The following NCOA1 variants were observed in gnomAD, a reference collection of about 807,000 sequenced individuals.
NCOA1 encodes the protein Hin-2 protein.
A neutral mutation model predicts 150.9 loss-of-function variants in NCOA1; 35 were observed. The observed-to-expected ratio is 0.23, with a 90% CI of 0.18 to 0.31. The LOEUF (loss-of-function observed/expected upper bound fraction) is 0.31, where lower values mean the gene tolerates loss of function less well. NCOA1 is among the 10% of genes least tolerant of loss of function. The probability of loss-of-function intolerance (pLI) is 1.00; values close to 1 mark genes in which losing one functional copy is unlikely to be tolerated. For synonymous variants in NCOA1, 590 were observed against 630.0 expected (o/e 0.94, Z 0.95); for missense variants, 1,491 against 1,749.3 (o/e 0.85, Z 2.63).
At chr2:24,521,836 C>G (rs533349644) in intron 1 of NCOA1, among the ~76,000 whole-genome samples, 39 of 152,212 alleles carry the variant, frequency 2.6e-4, no homozygotes, top group African/African-American at 7.9e-4. Flanking sequence ...TACCAATTTA[C>G]ATTCTCACCA....
rs190609977 is a variant in NCOA1 at position 24,731,019 on chromosome 2, C to A, written c.3201+1204C>A. Among the ~76,000 whole-genome samples the A allele has an allele frequency of 1.5e-3, 200 of 136,554 alleles. 1 individual carries two copies. The highest frequency in any genetic ancestry group is 3.7e-3 in the Admixed American group (46 of 12,482). The allele number at this position is 136,554 out of a possible 152,430, so 89.6% of individuals were successfully genotyped here. A position where few individuals can be genotyped will look rare whatever the true frequency, so the allele number is the denominator to read the frequency against. On this transcript the variant is annotated intron_variant, in intron 17 of 22. Coordinates refer to ENST00000348332, the MANE Select transcript of NCOA1 (RefSeq NM_003743.5). Reference sequence around the variant, plus strand: ...TGCCATTACACTCCAGCCTGGGTGACAGAGCAAGACTCTGTCTCAAAAAAA... The same window carrying A: ...TGCCATTACACTCCAGCCTGGGTGAAAGAGCAAGACTCTGTCTCAAAAAAA...
rs189560694 is a variant in NCOA1 at position 24,715,274 on chromosome 2, C to A, written c.2599+4163C>A. 4.1e-3 allele frequency among the ~76,000 whole-genome samples: 630 copies of A among 152,080 alleles called. 3 individuals are homozygous for A. The highest frequency in any genetic ancestry group is 0.01 in the Middle Eastern group (3 of 294). ...ATTCTTTTTTCTCATTTGTTAGTTTCTTTAAATGAAAAATAACTGTTTAAA... is the reference window on the plus strand; with the variant it reads ...ATTCTTTTTTCTCATTTGTTAGTTTATTTAAATGAAAAATAACTGTTTAAA... On this transcript the variant is annotated intron_variant, in intron 14 of 22. Transcript: ENST00000348332.
chr2:24,673,421 A>G lies in NCOA1; in HGVS notation c.312A>G (p.Gln104=), dbSNP rs1224270033. The G allele has an allele frequency of 1.9e-6, 3 of 1,595,198 alleles. No individual in the cohort carries two copies. In the African/African-American group the frequency reaches 4.1e-5, roughly 22 times the overall value. Residue 104 remains glutamine (Q), a synonymous_variant, in exon 7 of 23, where the codon CAA becomes CAG. Transcript: ENST00000348332. The part of the protein sequence containing the change: ...VQKSDISSSS[Q]GVIEKESLGP... ...AATCAGACATCTCATCAAGTAGTCA[A>G]GGAGTGATAGAAAAGGAATCCTTGG...
chr2:24,580,799 C>T (rs771085175), intron 2 of NCOA1, among the ~76,000 whole-genome samples: 2 of 152,146 alleles, frequency 1.3e-5, no homozygotes, highest in Non-Finnish European at 2.9e-5. Context: ...CTGTGGATTG[C>T]CTTTTTTCAT....
intron 1 of NCOA1, among the ~76,000 whole-genome samples, chr2:24,513,866 T>C (rs1331216007): frequency 6.6e-6 from 1 of 152,162 alleles, no homozygotes; most frequent in Non-Finnish European, 1.5e-5. Context: ...TAGGAGGACT[T>C]GGTATGTGTA....
At chr2:24,659,127 T>G (rs961547802) in intron 5 of NCOA1, 3 of 189,754 alleles carry the variant, frequency 1.6e-5, no homozygotes, top group Non-Finnish European at 3.3e-5. Context: ...CTAGTGTGAT[T>G]ATTTCATGAA....
chr2:24,665,244 C>T (rs1671363805), intron 5 of NCOA1, among the ~76,000 whole-genome samples: 1 of 151,970 alleles, frequency 6.6e-6, no homozygotes, highest in South Asian at 2.1e-4. Flanking sequence ...TGAATGGATA[C>T]TTTTTTGATG....
intron 1 of NCOA1, among the ~76,000 whole-genome samples, chr2:24,540,866 A>G (rs536394207): frequency 4.1e-4 from 63 of 152,300 alleles, no homozygotes; most frequent in African/African-American, 1.3e-3. Context: ...TTAAGAAGAC[A>G]TATGTGTGGG....
At chr2:24,673,488 A>AT in intron 7 of NCOA1, 25 bp downstream of exon 7, 1 of 1,499,096 alleles carries the variant, frequency 6.7e-7, no homozygotes, top group Non-Finnish European at 9.1e-7. Context: ...TGACTCAGAA[A>AT]GTGATTAAAA....
chr2:24,621,520 G>T (rs948234926), intron 3 of NCOA1, among the ~76,000 whole-genome samples: 1 of 134,764 alleles, frequency 7.4e-6, no homozygotes, highest in African/African-American at 2.8e-5. Flanking sequence ...AGGCTGGAGT[G>T]CAATGGTGCG....
intron 3 of NCOA1, among the ~76,000 whole-genome samples, chr2:24,596,599 G>A (rs562690138): frequency 6.6e-6 from 1 of 151,980 alleles, no homozygotes; most frequent in Admixed American, 6.6e-5. Context: ...TAATTTAGAG[G>A]TTATGTTTCA....
At chr2:24,636,647 C>T (rs1257078494) in intron 3 of NCOA1, among the ~76,000 whole-genome samples, 2 of 152,064 alleles carry the variant, frequency 1.3e-5, no homozygotes, top group Non-Finnish European at 1.5e-5. Flanking sequence ...ATATTCAATA[C>T]AATGATGAAT....
At chr2:24,581,246 A>G (rs999868757) in intron 2 of NCOA1, among the ~76,000 whole-genome samples, 1 of 152,208 alleles carries the variant, frequency 6.6e-6, no homozygotes. Flanking sequence ...CCTTGTTACT[A>G]CTAGGTGAAG....
At chr2:24,515,352 C>G (rs1242539150) in intron 1 of NCOA1, among the ~76,000 whole-genome samples, 2 of 152,078 alleles carry the variant, frequency 1.3e-5, no homozygotes, top group Non-Finnish European at 2.9e-5. Flanking sequence ...CCCATCTCAG[C>G]CTCCCAAGTA....
At chr2:24,556,162 C>G (rs898767276) in intron 1 of NCOA1, 4 of 152,380 alleles carry the variant, frequency 2.6e-5, no homozygotes, top group South Asian at 2.1e-4. Context: ...CCCCCGCCCC[C>G]CTGACAGGCT....
At chr2:24,541,919 A>C (rs1415166165) in intron 1 of NCOA1, among the ~76,000 whole-genome samples, 2 of 152,222 alleles carry the variant, frequency 1.3e-5, no homozygotes. Flanking sequence ...AGTGAGATTT[A>C]AGAGGGGATT....
chr2:24,543,068 G>A (rs1665465629), intron 1 of NCOA1, among the ~76,000 whole-genome samples: 1 of 152,170 alleles, frequency 6.6e-6, no homozygotes, highest in African/African-American at 2.4e-5. Flanking sequence ...GAATATACCT[G>A]AGACTGGTAA....
intron 3 of NCOA1, among the ~76,000 whole-genome samples, chr2:24,601,612 C>CTTTTTTTTTTT (rs112063269): frequency 1.5e-5 from 2 of 131,984 alleles, no homozygotes; most frequent in Non-Finnish European, 1.6e-5. Context: ...CTCCTTCCTC[C>CTTTTTTTTTTT]TTTTTTTTTT....
chr2:24,510,667 G>A (rs1157864263), intron 1 of NCOA1, among the ~76,000 whole-genome samples: 2 of 151,714 alleles, frequency 1.3e-5, no homozygotes, highest in East Asian at 1.9e-4. Flanking sequence ...CTATATTTTC[G>A]GTAAACTTTG....
Sources: allele counts gnomAD v4.1 joint callset (sites outside exome capture counted in the v4.1 genomes callset), GRCh38; gene constraint gnomAD v4.1.1; transcripts MANE v1.5; gene names NCBI Gene and HGNC (gene_info 2026-07-23, HGNC 2026-07-21).